Variants in STARD13 observed in about 807,000 individuals in gnomAD.
STARD13 encodes the protein StAR related lipid transfer domain containing 13.
Under a neutral mutation model 106.4 loss-of-function variants are expected in STARD13, and 62 were observed. The ratio of observed to expected loss-of-function variants is 0.58; its 90% CI spans 0.48 to 0.72. The LOEUF is 0.72. Among genes scored for constraint, STARD13 ranks in the 30% least tolerant of loss-of-function variants. STARD13 has a pLI of 0.00. For synonymous variants in STARD13, 565 were observed against 553.0 expected, an observed-to-expected ratio of 1.02 and a Z score of -0.31; for missense variants, 1,387 against 1,424.0, an observed-to-expected ratio of 0.97 and a Z score of 0.42.
At chr13:33,116,241 G>A (rs1251640018) in intron 8 of STARD13, among the ~76,000 whole-genome samples, 3 of 152,122 alleles carry the variant, frequency 2.0e-5, no homozygotes, top group East Asian at 1.9e-4. Context: ...GCTATCTGCC[G>A]AGCAGGTACC....
intron 3 of STARD13, among the ~76,000 whole-genome samples, chr13:33,142,614 C>G (rs1463620005): frequency 6.6e-6 from 1 of 152,164 alleles, no homozygotes; most frequent in Non-Finnish European, 1.5e-5. Flanking sequence ...TAATCTAAAC[C>G]CAGCCCTTTT....
the STARD13 span, among the ~76,000 whole-genome samples, chr13:33,430,145 C>T: frequency 6.6e-6 from 1 of 152,214 alleles, no homozygotes; most frequent in South Asian, 2.1e-4. Flanking sequence ...TCTCGATCTC[C>T]TGACCTAGTG....
the STARD13 span, among the ~76,000 whole-genome samples, chr13:33,663,670 T>G: frequency 1.8e-4 from 27 of 152,184 alleles, no homozygotes; most frequent in Admixed American, 1.5e-3. Context: ...GAATTTTACT[T>G]GTGTTTTACT....
intron 1 of STARD13, among the ~76,000 whole-genome samples, chr13:33,183,778 G>T (rs1196604332): frequency 6.6e-6 from 1 of 152,056 alleles, no homozygotes; most frequent in Non-Finnish European, 1.5e-5. Flanking sequence ...AATGAGGCCT[G>T]GTCCAGTCAG....
At chr13:33,414,389 C>T in the STARD13 span, among the ~76,000 whole-genome samples, 1 of 152,100 alleles carries the variant, frequency 6.6e-6, no homozygotes, top group Non-Finnish European at 1.5e-5. Flanking sequence ...CTGTAAACAA[C>T]TTGGATGTCC....
chr13:33,464,914 C>A, the STARD13 span, among the ~76,000 whole-genome samples: 1 of 152,202 alleles, frequency 6.6e-6, no homozygotes, highest in East Asian at 1.9e-4. Flanking sequence ...CAAGACACTG[C>A]CAGTCCGGCA....
At chr13:33,152,682 C>T (rs1046882205) in intron 3 of STARD13, among the ~76,000 whole-genome samples, 5 of 152,202 alleles carry the variant, frequency 3.3e-5, no homozygotes, top group Admixed American at 2.6e-4. Flanking sequence ...CCACATACCT[C>T]CTCCGATGTC....
the STARD13 span, among the ~76,000 whole-genome samples, chr13:33,412,401 T>G: frequency 6.6e-6 from 1 of 151,236 alleles, no homozygotes; most frequent in African/African-American, 2.4e-5. Context: ...CACACAAGAA[T>G]GTAGGAAAAA....
At chr13:33,400,817 A>C in the STARD13 span, among the ~76,000 whole-genome samples, 7 of 152,186 alleles carry the variant, frequency 4.6e-5, no homozygotes, top group Non-Finnish European at 1.0e-4. Flanking sequence ...GTTGAAACTC[A>C]TCAAGCTTTA....
At chr13:33,271,022 G>A (rs909203705) in intron 1 of STARD13, among the ~76,000 whole-genome samples, 1 of 152,124 alleles carries the variant, frequency 6.6e-6, no homozygotes, top group African/African-American at 2.4e-5. Flanking sequence ...CCAGGGAGGA[G>A]GTCTGTTTAT....
chr13:33,484,898 A>G, the STARD13 span, among the ~76,000 whole-genome samples: 1 of 152,238 alleles, frequency 6.6e-6, no homozygotes, highest in African/African-American at 2.4e-5. Context: ...GCTCAATTTC[A>G]AAGTCTTAGA....
At chr13:33,494,180 G>A in the STARD13 span, among the ~76,000 whole-genome samples, 1 of 152,132 alleles carries the variant, frequency 6.6e-6, no homozygotes, top group African/African-American at 2.4e-5. Context: ...CACCTTCTCA[G>A]TGCAACATTC....
At chr13:33,144,585 A>G (rs1404088464) in intron 3 of STARD13, among the ~76,000 whole-genome samples, 1 of 152,208 alleles carries the variant, frequency 6.6e-6, no homozygotes, top group Non-Finnish European at 1.5e-5. Context: ...CTGACTACGC[A>G]TTCATTAGTG....
the STARD13 span, among the ~76,000 whole-genome samples, chr13:33,530,592 T>C: frequency 2.0e-5 from 3 of 152,236 alleles, no homozygotes; most frequent in African/African-American, 7.2e-5. Flanking sequence ...TTTCAACTTG[T>C]TCTTGTCTTC....
chr13:33,105,267 A>C lies in STARD13; in HGVS notation c.*326T>G. 1 of 252,462 alleles carries C rather than the reference A, an allele frequency of 4.0e-6. No individual in the cohort carries two copies. Among genetic ancestry groups the C allele is most frequent in the Non-Finnish European group, 7.8e-6 (1 of 128,026 alleles). The allele number at this position is 252,462 out of a possible 1,614,324, so 15.6% of individuals were successfully genotyped here. A position where few individuals can be genotyped will look rare whatever the true frequency, so the allele number is the denominator to read the frequency against. On this transcript the variant is annotated 3_prime_UTR_variant, in exon 14 of 14. Coordinates refer to ENST00000336934, the MANE Select transcript of STARD13 (RefSeq NM_178006.4). Reference sequence around the variant, plus strand: ...ATGTACATATGCTATACATACATTTATTTACAGTTAGGTATACGCTTCTTA... The same window carrying C: ...ATGTACATATGCTATACATACATTTCTTTACAGTTAGGTATACGCTTCTTA...
At chr13:33,182,764 A>G (rs1171065169) in intron 1 of STARD13, among the ~76,000 whole-genome samples, 1 of 152,226 alleles carries the variant, frequency 6.6e-6, no homozygotes, top group Non-Finnish European at 1.5e-5. Context: ...AGAACCCAAT[A>G]GCTCTCCTTG....
intron 1 of STARD13, among the ~76,000 whole-genome samples, chr13:33,175,130 C>A (rs1884376988): frequency 6.6e-6 from 1 of 152,200 alleles, no homozygotes; most frequent in South Asian, 2.1e-4. Context: ...GCTCTCCCAG[C>A]CAAATAGTTT....
the STARD13 span, among the ~76,000 whole-genome samples, chr13:33,505,042 G>A: frequency 1.3e-5 from 2 of 152,158 alleles, no homozygotes; most frequent in Non-Finnish European, 2.9e-5. Context: ...GAATAAAGGA[G>A]CCCAACACTC....
chr13:33,300,310 T>C (rs752781945), intron 1 of STARD13, among the ~76,000 whole-genome samples: 24 of 152,158 alleles, frequency 1.6e-4, no homozygotes, highest in Non-Finnish European at 3.1e-4. Context: ...ACCAAAAATA[T>C]GGGTGAGAAC....
Sources: allele counts gnomAD v4.1 joint callset (sites outside exome capture counted in the v4.1 genomes callset), GRCh38; gene constraint gnomAD v4.1.1; transcripts MANE v1.5; gene names NCBI Gene and HGNC (gene_info 2026-07-23, HGNC 2026-07-21).